The following NSD1 variants were observed in gnomAD, a reference collection of about 807,000 sequenced individuals.
NSD1 encodes the protein histone-lysine N-methyltransferase, H3 lysine-36 specific.
Under a neutral mutation model 242.7 loss-of-function variants are expected in NSD1, and 26 were observed. That is an observed-to-expected ratio of 0.11 (90% CI 0.08 to 0.15). The LOEUF is 0.15. Ranked by LOEUF, NSD1 falls within the 10% of genes least tolerant of loss-of-function variation. NSD1 has a pLI of 1.00. For missense variants in NSD1, 2,495 were observed against 3,272.8 expected (o/e 0.76, Z 5.80); for synonymous variants, 1,106 against 1,178.1 (o/e 0.94, Z 1.25).
intron 5 of NSD1, among the ~76,000 whole-genome samples, chr5:177,212,477 C>T (rs1229414961): frequency 8.2e-6 from 1 of 122,654 alleles, no homozygotes; most frequent in Non-Finnish European, 1.6e-5. Context: ...CTCTCTCTTT[C>T]TCTCTCTCTC....
chr5:177,167,363 C>T (rs1759290473), intron 2 of NSD1, among the ~76,000 whole-genome samples: 1 of 151,862 alleles, frequency 6.6e-6, no homozygotes. Context: ...ATGGTGAAAC[C>T]CATTTCTACT....
intron 3 of NSD1, among the ~76,000 whole-genome samples, chr5:177,199,889 C>T (rs1394745606): frequency 6.6e-6 from 1 of 151,982 alleles, no homozygotes; most frequent in Non-Finnish European, 1.5e-5. Context: ...GCCACCACGC[C>T]CGGCCTCAAC....
chr5:177,251,640 A>T (rs2149904247), intron 11 of NSD1, 90 bp from the exon 12 acceptor site: 1 of 1,383,014 alleles, frequency 7.2e-7, no homozygotes, highest in Non-Finnish European at 1.0e-6. Flanking sequence ...TGCCACTTTT[A>T]ACCTTTGTTT....
chr5:177,143,281 AT>A (rs1380648151), intron 2 of NSD1, among the ~76,000 whole-genome samples: 1 of 151,510 alleles, frequency 6.6e-6, no homozygotes, highest in Non-Finnish European at 1.5e-5. Context: ...TCATGCATTA[AT>A]TTTTTTCTCC....
At chr5:177,188,235 G>T (rs946645534) in intron 2 of NSD1, among the ~76,000 whole-genome samples, 11 of 152,126 alleles carry the variant, frequency 7.2e-5, no homozygotes, top group Non-Finnish European at 1.2e-4. Context: ...TTTTAAGCTG[G>T]TCTTAAAGTC....
intron 5 of NSD1, among the ~76,000 whole-genome samples, chr5:177,225,874 G>C (rs1167239235): frequency 6.6e-6 from 1 of 152,120 alleles, no homozygotes; most frequent in Non-Finnish European, 1.5e-5. Context: ...CAGTGGCTTA[G>C]ATCTGCTCTC....
intron 14 of NSD1, chr5:177,266,461 C>G: frequency 4.9e-6 from 3 of 613,616 alleles, no homozygotes; most frequent in Non-Finnish European, 9.1e-6. Context: ...CATGGAGTTG[C>G]CGAAGTGGGC....
chr5:177,144,566 G>GT (rs1281349361), intron 2 of NSD1, among the ~76,000 whole-genome samples: 1 of 152,092 alleles, frequency 6.6e-6, no homozygotes, highest in Non-Finnish European at 1.5e-5. Flanking sequence ...GTTAAGTGGT[G>GT]TAAGTTTATT....
rs563265555 is a variant in NSD1, at chr5:177,232,402, C to T, written c.3797-3419C>T. Reference sequence around the variant, plus strand: ...TTCCTAATCAGAAATCCAAAATGCTCCAAAATCGAAATCTTTTTGAATATT... The same window carrying T: ...TTCCTAATCAGAAATCCAAAATGCTTCAAAATCGAAATCTTTTTGAATATT... On this transcript the variant is annotated intron_variant, in intron 5 of 22. Transcript: ENST00000439151. Among the ~76,000 whole-genome samples the T allele has an allele frequency of 1.9e-4, 29 of 152,234 alleles. No individual in the cohort carries two copies. In the South Asian group the frequency reaches 5.6e-3, roughly 29 times the overall value.
chr5:177,181,730 T>C (rs1053518059), intron 2 of NSD1, among the ~76,000 whole-genome samples: 1 of 151,656 alleles, frequency 6.6e-6, no homozygotes, highest in Non-Finnish European at 1.5e-5. Context: ...TTGGCTGCAT[T>C]GTGGTCTTAC....
chr5:177,257,764 C>T (rs1350991453), intron 13 of NSD1, among the ~76,000 whole-genome samples: 3 of 151,858 alleles, frequency 2.0e-5, no homozygotes, highest in Non-Finnish European at 2.9e-5. Flanking sequence ...TGCTGCATGT[C>T]CTCTTCCCCC....
At chr5:177,251,874 T>C in intron 12 of NSD1, 21 bp downstream of exon 12, 1 of 1,614,026 alleles carries the variant, frequency 6.2e-7, no homozygotes, top group Non-Finnish European at 8.5e-7. Context: ...TATCGAACGG[T>C]CTTCCTCCAA....
Position 177,167,535 on chromosome 5 carries a change from CA to C in NSD1, c.928-24336del, listed in dbSNP as rs563697762. Among the ~76,000 whole-genome samples, 643 of 142,630 alleles carry C rather than the reference CA, an allele frequency of 4.5e-3. 2 individuals are homozygous for C. The highest frequency in any genetic ancestry group is 0.01 in the African/African-American group (398 of 39,102). The allele number at this position is 142,630 out of a possible 152,430, so 93.6% of individuals were successfully genotyped here. A position where few individuals can be genotyped will look rare whatever the true frequency, so the allele number is the denominator to read the frequency against. ...GGGCAACAAGAGCAAAACTCTATCT[CA>C]AAAAAAAAAAAATATATTTGTGAGG... On this transcript the variant is annotated intron_variant, in intron 2 of 22. Transcript: ENST00000439151.
chr5:177,154,216 A>C (rs1387387423), intron 2 of NSD1, among the ~76,000 whole-genome samples: 1 of 151,950 alleles, frequency 6.6e-6, no homozygotes, highest in African/African-American at 2.4e-5. Flanking sequence ...ACAGGGACAG[A>C]CCAAGCAGGA....
rs1581548419 is a variant in NSD1 at position 177,289,013 on chromosome 5, A to C, written c.6258+88A>C. The C allele has an allele frequency of 2.0e-5, 19 of 952,330 alleles. No individual in the cohort carries two copies. The East Asian group carries it at 4.7e-4, about 23-fold the overall frequency. 59.0% of individuals were successfully genotyped at this position (952,330 alleles called of 1,614,324 possible). A position where few individuals can be genotyped will look rare whatever the true frequency, so the allele number is the denominator to read the frequency against. Reference sequence around the variant, plus strand: ...TAGGGCAGTCTACATTTTAAGAAGAAATCTCTTTGAAATTAATGACATTCA... The same window carrying C: ...TAGGGCAGTCTACATTTTAAGAAGACATCTCTTTGAAATTAATGACATTCA... On this transcript the variant is annotated intron_variant, in intron 21 of 22. Transcript: ENST00000439151.
chr5:177,218,929 A>G (rs937097656), intron 5 of NSD1, among the ~76,000 whole-genome samples: 6 of 150,180 alleles, frequency 4.0e-5, no homozygotes, highest in Non-Finnish European at 8.9e-5. Context: ...TTAATGTGCT[A>G]TTTAATTTGA....
chr5:177,221,077 T>G (rs1157795348), intron 5 of NSD1: 7 of 452,638 alleles, frequency 1.5e-5, no homozygotes, highest in African/African-American at 4.0e-5. Flanking sequence ...TTCACCATGT[T>G]GGCCAGGCTG....
chr5:177,196,217 G>A (rs1413495928), intron 3 of NSD1, among the ~76,000 whole-genome samples: 2 of 152,266 alleles, frequency 1.3e-5, no homozygotes, highest in East Asian at 1.9e-4. Flanking sequence ...AGTGTTCAGT[G>A]CCTTGTTGAC....
chr5:177,210,975 A>G lies in NSD1; in HGVS notation c.2576A>G (p.His859Arg). The G allele has an allele frequency of 6.2e-7, 1 of 1,614,164 alleles. No homozygotes were observed. The highest frequency in any genetic ancestry group is 8.5e-7 in the Non-Finnish European group (1 of 1,180,024). ...SSDIETAVVK[H>R]VLSELKELSY... ...GACATAGAAACAGCAGTGGTGAAAC[A>G]TGTTTTATCCGAGTTGAAGGAACTC... Residue 859 changes from histidine to arginine, a missense_variant, in exon 5 of 23, where the codon CAT becomes CGT. Around this residue, in one of 19 missense-constraint regions of NSD1, gnomAD observed 121 missense variants for 167.2 expected, o/e 0.72. Transcript: ENST00000439151.
Sources: gnomAD v4.1 joint callset for allele counts (sites outside exome capture counted in the v4.1 genomes callset) on GRCh38, gnomAD v4.1.1 for gene constraint, gnomAD v4.1.1 regional missense constraint, MANE v1.5 for transcripts, NCBI Gene and HGNC (gene_info 2026-07-23, HGNC 2026-07-21) for gene names.